Variants in HS6ST1 observed in about 807,000 individuals in gnomAD.
The protein encoded by HS6ST1 is heparan sulfate 6-O-sulfotransferase 1.
In HS6ST1, 3 loss-of-function variants were observed where a neutral mutation model predicts 25.2. That is an observed-to-expected ratio of 0.12 (90% CI 0.05 to 0.31). HS6ST1 has a LOEUF of 0.31. HS6ST1 is among the 10% of genes least tolerant of loss of function. The pLI, the probability that HS6ST1 is intolerant of heterozygous loss-of-function variation, is 1.00. For synonymous variants in HS6ST1, 204 were observed against 275.1 expected (o/e 0.74, Z 2.56); for missense variants, 310 against 609.6 (o/e 0.51, Z 5.18).
chr2:128,294,594 T>C (rs911546060), intron 1 of HS6ST1, among the ~76,000 whole-genome samples: 1 of 151,828 alleles, frequency 6.6e-6, no homozygotes, highest in African/African-American at 2.4e-5. Context: ...TGAGGACAAG[T>C]GCTCTGGGGC....
At chr2:128,271,828 GCA>G (rs1206236495) in intron 1 of HS6ST1, among the ~76,000 whole-genome samples, 4 of 152,164 alleles carry the variant, frequency 2.6e-5, no homozygotes, top group Non-Finnish European at 5.9e-5. Flanking sequence ...TTCCTCAGCC[GCA>G]CACAGTGGTC....
At chr2:128,311,469 A>G (rs1028344077) in intron 1 of HS6ST1, among the ~76,000 whole-genome samples, 2 of 152,198 alleles carry the variant, frequency 1.3e-5, no homozygotes, top group Non-Finnish European at 2.9e-5. Flanking sequence ...ACTGCTCCCC[A>G]GAGCTCGGCT....
chr2:128,278,357 T>C (rs1234996048), intron 1 of HS6ST1, among the ~76,000 whole-genome samples: 1 of 152,188 alleles, frequency 6.6e-6, no homozygotes, highest in African/African-American at 2.4e-5. Context: ...CAGCCAGAAA[T>C]GAGACTTCAA....
At chr2:128,280,644 T>C (rs1161318020) in intron 1 of HS6ST1, among the ~76,000 whole-genome samples, 2 of 151,614 alleles carry the variant, frequency 1.3e-5, no homozygotes, top group East Asian at 3.9e-4. Flanking sequence ...ACACAGAAAA[T>C]GCTGGGCTAA....
chr2:128,305,556 G>T lies in HS6ST1; in HGVS notation c.527+12481C>A, dbSNP rs1694196638. Among the ~76,000 whole-genome samples the T allele has an allele frequency of 2.6e-5, 4 of 152,240 alleles. No individual in the cohort carries two copies. The South Asian group carries it at 8.3e-4, about 31-fold the overall frequency. ...GCGGGAAGGAAGGAGGCTGTGGCAA[G>T]GGTTGGAGCCCGGCTGGCTGAGGCC... is the stretch of plus-strand genomic sequence containing the variant. On this transcript the variant is annotated intron_variant, in intron 1 of 1. Transcript: ENST00000259241.
rs115098230 is a variant in HS6ST1, at chr2:128,268,973, G to A, written c.528-103C>T. The A allele has an allele frequency of 7.2e-3, 6,476 of 902,964 alleles. 27 individuals are homozygous for A. The highest frequency in any genetic ancestry group is 0.01 in the Non-Finnish European group (5,826 of 566,486). 55.9% of individuals were successfully genotyped at this position (902,964 alleles called of 1,614,324 possible). A position where few individuals can be genotyped will look rare whatever the true frequency, so the allele number is the denominator to read the frequency against. ...TCCCCACTACAGGAGTTTGGGCTTC[G>A]CCTCTAATGCCAACCAACTCCTGCA... On this transcript the variant is annotated intron_variant, in intron 1 of 1. Transcript: ENST00000259241.
chr2:128,285,154 T>C (rs942434799), intron 1 of HS6ST1, among the ~76,000 whole-genome samples: 3 of 152,330 alleles, frequency 2.0e-5, no homozygotes, highest in Admixed American at 6.5e-5. Flanking sequence ...GCAGTCCCCA[T>C]CTAGCCTGTT....
In HS6ST1 at chr2:128,280,927, T is replaced by C. The variant is rs116555496; in HGVS notation, c.528-12057A>G. 7.9e-3 allele frequency among the ~76,000 whole-genome samples: 1,197 copies of C among 152,246 alleles called. 11 individuals carry two copies. The highest frequency in any genetic ancestry group is 0.025 in the African/African-American group (1,036 of 41,550). The stretch of plus-strand genomic sequence containing the variant: ...TGGGACCTTTGGCAGGACACCCGGA[T>C]GGACAGGTGAGGCTGACCCAACCCC... On this transcript the variant is annotated intron_variant, in intron 1 of 1. Coordinates refer to ENST00000259241, the MANE Select transcript of HS6ST1 (RefSeq NM_004807.3).
intron 1 of HS6ST1, 143 bp downstream of exon 1, chr2:128,317,894 T>G: frequency 1.0e-6 from 1 of 1,003,584 alleles, no homozygotes; most frequent in Non-Finnish European, 1.3e-6. Flanking sequence ...GCTCGGCAGG[T>G]CGGGAGGGGT....
Position 128,268,588 on chromosome 2 carries a change from C to T in HS6ST1, c.810G>A (p.Glu270=), listed in dbSNP as rs1482427869. Residue 270 remains glutamate, a synonymous_variant, in exon 2 of 2, where the codon GAG becomes GAA. Coordinates refer to ENST00000259241, the MANE Select transcript of HS6ST1 (RefSeq NM_004807.3). ...CGAGCAGCAGCTGGGCCCGCTTGCC[C>T]TCGGGGATGAAGGACAGGTTGTAGC... ...VGCYNLSFIP[E]GKRAQLLLES... 1.2e-6 allele frequency: 2 copies of T among 1,605,746 alleles called. No homozygotes were observed. The highest frequency in any genetic ancestry group is 4.5e-5 in the East Asian group (2 of 44,692).
chr2:128,278,811 C>T (rs1480906657), intron 1 of HS6ST1, among the ~76,000 whole-genome samples: 1 of 152,038 alleles, frequency 6.6e-6, no homozygotes, highest in African/African-American at 2.4e-5. Context: ...GTGGCTGTCT[C>T]GGCAGTGAGA....
Position 128,305,146 on chromosome 2 carries a change from G to A in HS6ST1, c.527+12891C>T, listed in dbSNP as rs977310062. 2.6e-5 allele frequency among the ~76,000 whole-genome samples: 4 copies of A among 152,342 alleles called. No homozygotes were observed. The South Asian group carries it at 8.3e-4, about 32-fold the overall frequency. On this transcript the variant is annotated intron_variant, in intron 1 of 1. Transcript: ENST00000259241. ...TTGACCCACTTGCTGAAGGATGGGG[G>A]TTTGCTCCTGTCCTGGAACAGCCAC...
At chr2:128,297,814 A>T (rs1694062873) in intron 1 of HS6ST1, among the ~76,000 whole-genome samples, 2 of 152,284 alleles carry the variant, frequency 1.3e-5, no homozygotes, top group Admixed American at 1.3e-4. Context: ...AGCCTGGGCA[A>T]CAAGAGTGAA....
intron 1 of HS6ST1, among the ~76,000 whole-genome samples, chr2:128,312,417 A>C (rs1285061562): frequency 1.3e-5 from 2 of 152,318 alleles, no homozygotes; most frequent in East Asian, 3.9e-4. Flanking sequence ...AGTGCCTGCT[A>C]AGTGTGCAGG....
At chr2:128,279,779 G>C (rs1693751950) in intron 1 of HS6ST1, among the ~76,000 whole-genome samples, 1 of 152,220 alleles carries the variant, frequency 6.6e-6, no homozygotes, top group Non-Finnish European at 1.5e-5. Flanking sequence ...CTGGGCAACA[G>C]AGCGAGACTT....
intron 1 of HS6ST1, among the ~76,000 whole-genome samples, chr2:128,284,525 G>A (rs1224320265): frequency 6.8e-4 from 21 of 31,062 alleles, no homozygotes; most frequent in Non-Finnish European, 9.5e-4. Context: ...TTTTTGAGAC[G>A]GAGTCTTGCT....
At chr2:128,315,164 A>G (rs1297681145) in intron 1 of HS6ST1, among the ~76,000 whole-genome samples, 4 of 152,224 alleles carry the variant, frequency 2.6e-5, no homozygotes, top group Admixed American at 6.5e-5. Flanking sequence ...CATGGTGAAC[A>G]CAGGACTAAA....
intron 1 of HS6ST1, among the ~76,000 whole-genome samples, chr2:128,315,720 G>A (rs181576884): frequency 6.6e-6 from 1 of 152,266 alleles, no homozygotes. Context: ...GCTCCAGCCT[G>A]GGCCAGAAGA....
chr2:128,287,729 T>A (rs1005690710), intron 1 of HS6ST1, among the ~76,000 whole-genome samples: 1 of 152,220 alleles, frequency 6.6e-6, no homozygotes, highest in African/African-American at 2.4e-5. Context: ...CGGGCCCAGA[T>A]GCTGCTGACT....
Sources: gnomAD v4.1 joint callset for allele counts (sites outside exome capture counted in the v4.1 genomes callset) on GRCh38, gnomAD v4.1.1 for gene constraint, MANE v1.5 for transcripts, NCBI Gene and HGNC (gene_info 2026-07-23, HGNC 2026-07-21) for gene names.